The following NXPE2 variants were observed in gnomAD, a reference collection of about 807,000 sequenced individuals.
NXPE2 encodes the protein neurexophilin and PC-esterase domain family member 2, also known as NXPE family member 2.
In NXPE2, 34 loss-of-function variants were observed where a neutral mutation model predicts 34.4. The observed-to-expected ratio is 0.99, with a 90% CI of 0.75 to 1.31. NXPE2 has a LOEUF of 1.31. Ranked by LOEUF, NXPE2 falls within the 40% of genes most tolerant of loss-of-function variation. The pLI is 0.00. For missense variants in NXPE2, 649 were observed against 672.5 expected (o/e 0.97, Z 0.39); for synonymous variants, 235 against 231.3 (o/e 1.02, Z -0.15).
At chr11:114,690,657 G>A (rs562789633) in intron 2 of NXPE2, among the ~76,000 whole-genome samples, 4 of 152,190 alleles carry the variant, frequency 2.6e-5, no homozygotes, top group South Asian at 2.1e-4. Flanking sequence ...CAAGATTGGG[G>A]ACATTTTCCT....
the NXPE2 span, among the ~76,000 whole-genome samples, chr11:114,781,709 G>T: frequency 6.6e-6 from 1 of 152,194 alleles, no homozygotes; most frequent in African/African-American, 2.4e-5. Context: ...GGTAGTGGAA[G>T]TCTGTAGGGT....
the NXPE2 span, among the ~76,000 whole-genome samples, chr11:114,617,713 T>A: frequency 6.6e-6 from 1 of 152,154 alleles, no homozygotes; most frequent in African/African-American, 2.4e-5. Context: ...TAACCACTGT[T>A]ACCCAATGCG....
chr11:114,576,271 C>G, the NXPE2 span, among the ~76,000 whole-genome samples: 6 of 151,938 alleles, frequency 3.9e-5, no homozygotes, highest in Non-Finnish European at 7.4e-5. Context: ...TTAGAAAAAC[C>G]CTTCTAGACA....
downstream of NXPE2, among the ~76,000 whole-genome samples, chr11:114,709,067 C>T (rs142068640): frequency 0.036 from 5,489 of 152,212 alleles, 223 homozygotes; most frequent in South Asian, 0.043. Context: ...TATTATTTCT[C>T]TTGTTCTAGA....
chr11:114,697,012 C>G (rs1406284971), intron 2 of NXPE2, among the ~76,000 whole-genome samples: 1 of 152,092 alleles, frequency 6.6e-6, no homozygotes, highest in Non-Finnish European at 1.5e-5. Flanking sequence ...TAACAACATA[C>G]TGTAATAAAA....
chr11:114,569,269 C>G, the NXPE2 span, among the ~76,000 whole-genome samples: 1 of 152,144 alleles, frequency 6.6e-6, no homozygotes, highest in African/African-American at 2.4e-5. Context: ...AACTGAAATT[C>G]TCATATCCAA....
the NXPE2 span, among the ~76,000 whole-genome samples, chr11:114,637,559 C>T: frequency 2.0e-5 from 3 of 150,652 alleles, no homozygotes; most frequent in Admixed American, 6.7e-5. Flanking sequence ...TTCCTAGTCT[C>T]AATGGTCTTT....
At chr11:114,585,096 A>G in the NXPE2 span, among the ~76,000 whole-genome samples, 1 of 151,982 alleles carries the variant, frequency 6.6e-6, no homozygotes. Context: ...CCTAAGTAAC[A>G]TCAGCCATTT....
the NXPE2 span, among the ~76,000 whole-genome samples, chr11:114,714,886 G>A: frequency 6.6e-6 from 1 of 152,164 alleles, no homozygotes; most frequent in Non-Finnish European, 1.5e-5. Flanking sequence ...GCCGGGCGTG[G>A]TGGCACACGC....
the NXPE2 span, among the ~76,000 whole-genome samples, chr11:114,466,555 A>AATAT: frequency 6.6e-6 from 1 of 151,212 alleles, no homozygotes; most frequent in African/African-American, 2.4e-5. Flanking sequence ...TAATTTCTTG[A>AATAT]ATATATATAT....
At position 114,706,819 on chromosome 11, in the gene NXPE2, G is replaced by A; in HGVS notation, c.1569G>A (p.Val523=). ...IIRDIFVDLN[V]GIIDAWDMTI... The stretch of plus-strand genomic sequence containing the variant: ...GAGATATTTTTGTGGATCTTAATGT[G>A]GGTATTATTGATGCCTGGGACATGA... Residue 523 remains valine, a synonymous_variant, in exon 6 of 6, where the codon GTG becomes GTA. Transcript: ENST00000389586. The A allele has an allele frequency of 6.4e-7, 1 of 1,551,958 alleles. No individual in the cohort carries two copies. Among genetic ancestry groups the A allele is most frequent in the Non-Finnish European group, 8.7e-7 (1 of 1,146,778 alleles).
chr11:114,583,950 A>T, the NXPE2 span: 1 of 391,452 alleles, frequency 2.6e-6, no homozygotes, highest in Non-Finnish European at 5.0e-6. Context: ...GATGGGATTG[A>T]TGATGAGTCC....
chr11:114,795,979 C>A, the NXPE2 span, among the ~76,000 whole-genome samples: 5 of 152,178 alleles, frequency 3.3e-5, no homozygotes, highest in African/African-American at 1.2e-4. Context: ...TCTCACACTC[C>A]TATTCAGTAC....
chr11:114,506,976 C>G, the NXPE2 span, among the ~76,000 whole-genome samples: 24 of 151,830 alleles, frequency 1.6e-4, no homozygotes, highest in African/African-American at 5.6e-4. Flanking sequence ...ATAAAATAGA[C>G]CACTAGCTAG....
chr11:114,611,349 C>A, the NXPE2 span, among the ~76,000 whole-genome samples: 3 of 151,038 alleles, frequency 2.0e-5, no homozygotes, highest in Non-Finnish European at 4.4e-5. Context: ...TCATGGGTAA[C>A]CACTGTTACC....
At chr11:114,605,568 G>A in the NXPE2 span, among the ~76,000 whole-genome samples, 38 of 151,094 alleles carry the variant, frequency 2.5e-4, 1 homozygote, top group Non-Finnish European at 2.7e-4. Flanking sequence ...ACTGTTACCC[G>A]GTGGATAATA....
chr11:114,805,694 G>C, the NXPE2 span, among the ~76,000 whole-genome samples: 305 of 152,122 alleles, frequency 2.0e-3, no homozygotes, highest in African/African-American at 3.1e-3. Context: ...CAAAGCAGCC[G>C]GGAAGCTTGA....
chr11:114,557,666 T>TAAA, the NXPE2 span, among the ~76,000 whole-genome samples: 1 of 128,358 alleles, frequency 7.8e-6, no homozygotes, highest in East Asian at 2.1e-4. Context: ...TATATATATA[T>TAAA]ATATATAAAA....
chr11:114,539,529 A>G, the NXPE2 span, among the ~76,000 whole-genome samples: 5 of 152,334 alleles, frequency 3.3e-5, no homozygotes, highest in East Asian at 9.6e-4. Context: ...GAATGAATGG[A>G]AAGATGTAGC....
Sources: gnomAD v4.1 joint callset for allele counts (sites outside exome capture counted in the v4.1 genomes callset) on GRCh38, gnomAD v4.1.1 for gene constraint, MANE v1.5 for transcripts, NCBI Gene and HGNC (gene_info 2026-07-23, HGNC 2026-07-21) for gene names.